Variants in SNTB2 observed in about 807,000 individuals in gnomAD.
SNTB2 encodes the protein beta-2-syntrophin.
SNTB2 carries 34 observed loss-of-function variants against 46.2 expected under a neutral mutation model. That is an observed-to-expected ratio of 0.74 (90% CI 0.56 to 0.98). The LOEUF is 0.98. Ranked by LOEUF, SNTB2 falls within the 50% of genes least tolerant of loss-of-function variation. The pLI, the probability that SNTB2 is intolerant of heterozygous loss-of-function variation, is 0.00. For missense variants in SNTB2, 603 were observed against 731.4 expected (o/e 0.82, Z 2.02); for synonymous variants, 290 against 312.6 (o/e 0.93, Z 0.76).
In SNTB2 at chr16:69,308,499, A is replaced by G. The variant is rs776519468; in HGVS notation, c.*7575A>G. The G allele has an allele frequency of 1.3e-5, 2 of 152,232 alleles. No individual in the cohort carries two copies. Among genetic ancestry groups the G allele is most frequent in the East Asian group, 1.9e-4 (1 of 5,198 alleles). The allele number at this position is 152,232 out of a possible 1,614,324, so 9.4% of individuals were successfully genotyped here. A position where few individuals can be genotyped will look rare whatever the true frequency, so the allele number is the denominator to read the frequency against. On this transcript the variant is annotated 3_prime_UTR_variant, in exon 7 of 7. Coordinates refer to ENST00000336278, the MANE Select transcript of SNTB2 (RefSeq NM_006750.4). ...CAATCCATTGGATGAGTGCAGCATT[A>G]TAAGACCTTGGTGCCCAGAAAAATC...
At chr16:69,277,521 T>C (rs1964994759) in intron 4 of SNTB2, among the ~76,000 whole-genome samples, 1 of 152,244 alleles carries the variant, frequency 6.6e-6, no homozygotes, top group African/African-American at 2.4e-5. Flanking sequence ...AAACTATTGA[T>C]AAGGTTTCAT....
At position 69,251,670 on chromosome 16, in the gene SNTB2, C is replaced by T. The variant is rs376694485; in HGVS notation, c.794+5855C>T. 1.1e-4 allele frequency among the ~76,000 whole-genome samples: 16 copies of T among 151,698 alleles called. No individual in the cohort carries two copies. In the East Asian group the frequency reaches 3.1e-3, roughly 30 times the overall value. ...GCTCATGCCTGTAATCCCAGCTACT[C>T]GGGAGGCTGAGGGAGGAGAATCGCA... On this transcript the variant is annotated intron_variant, in intron 2 of 6. Coordinates refer to ENST00000336278, the MANE Select transcript of SNTB2 (RefSeq NM_006750.4).
chr16:69,210,441 T>C (rs1181869497), intron 1 of SNTB2, among the ~76,000 whole-genome samples: 1 of 152,052 alleles, frequency 6.6e-6, no homozygotes, highest in Non-Finnish European at 1.5e-5. Context: ...TTTCACCATG[T>C]TGCCCAGGCT....
intron 1 of SNTB2, among the ~76,000 whole-genome samples, chr16:69,199,742 T>C (rs1442011687): frequency 6.6e-6 from 1 of 152,086 alleles, no homozygotes; most frequent in African/African-American, 2.4e-5. Flanking sequence ...CTTTAGTGAA[T>C]GGGCAAGACT....
chr16:69,220,153 GA>G (rs1407020842), intron 1 of SNTB2, among the ~76,000 whole-genome samples: 3 of 125,562 alleles, frequency 2.4e-5, no homozygotes, highest in Non-Finnish European at 3.4e-5. Flanking sequence ...AAGAAAGTCA[GA>G]TTTTTTTTTT....
chr16:69,259,700 G>A (rs1964816662), intron 2 of SNTB2, among the ~76,000 whole-genome samples: 1 of 150,566 alleles, frequency 6.6e-6, no homozygotes, highest in Non-Finnish European at 1.5e-5. Context: ...GCCTCCTGGG[G>A]TCAAGCGATT....
At chr16:69,276,664 C>G (rs1170352677) in intron 4 of SNTB2, among the ~76,000 whole-genome samples, 1 of 152,118 alleles carries the variant, frequency 6.6e-6, no homozygotes, top group Admixed American at 6.6e-5. Flanking sequence ...CTTCATGGAC[C>G]TCTGCGGATC....
At chr16:69,268,593 G>A (rs1312316995) in intron 3 of SNTB2, among the ~76,000 whole-genome samples, 1 of 152,118 alleles carries the variant, frequency 6.6e-6, no homozygotes, top group Admixed American at 6.6e-5. Context: ...GGCCAGGCGC[G>A]TTGGCTCACG....
chr16:69,301,227 C>CTT lies in SNTB2; in HGVS notation c.*311_*312dup. The CTT allele has an allele frequency of 4.4e-6, 1 of 225,486 alleles. No homozygotes were observed. Among genetic ancestry groups the CTT allele is most frequent in the Non-Finnish European group, 8.9e-6 (1 of 112,860 alleles). The allele number at this position is 225,486 out of a possible 1,614,324, so 14.0% of individuals were successfully genotyped here. On this transcript the variant is annotated 3_prime_UTR_variant, in exon 7 of 7. Coordinates refer to ENST00000336278, the MANE Select transcript of SNTB2 (RefSeq NM_006750.4). ...GCTAAAAAGAATGGCTCATTGTTTT[C>CTT]TTTTTTTTTCATTGTTTTCATTTTT... is the stretch of plus-strand genomic sequence containing the variant.
intron 1 of SNTB2, among the ~76,000 whole-genome samples, chr16:69,232,780 G>T (rs547960464): frequency 6.6e-6 from 1 of 152,180 alleles, no homozygotes; most frequent in African/African-American, 2.4e-5. Context: ...AAAGTACTGG[G>T]ATTACAGGTG....
chr16:69,215,177 G>A (rs893264927), intron 1 of SNTB2, among the ~76,000 whole-genome samples: 2 of 152,132 alleles, frequency 1.3e-5, no homozygotes, highest in Non-Finnish European at 2.9e-5. Flanking sequence ...TTTAAGTAAG[G>A]GTTACTTACC....
intron 2 of SNTB2, among the ~76,000 whole-genome samples, chr16:69,247,997 C>T (rs766553271): frequency 6.6e-6 from 1 of 152,132 alleles, no homozygotes; most frequent in African/African-American, 2.4e-5. Context: ...CTGGCATGCA[C>T]CTGTAGTCCT....
At chr16:69,208,990 G>GTGTGTGTGTGTGTGTGTGTGTT (rs1488187077) in intron 1 of SNTB2, among the ~76,000 whole-genome samples, 3 of 151,982 alleles carry the variant, frequency 2.0e-5, no homozygotes, top group African/African-American at 7.3e-5. Context: ...GTGTGTGTGT[G>GTGTGTGTGTGTGTGTGTGTGTT]TTTTTGAGAT....
At chr16:69,285,731 T>C (rs1056389266) in intron 5 of SNTB2, among the ~76,000 whole-genome samples, 1 of 151,852 alleles carries the variant, frequency 6.6e-6, no homozygotes, top group Admixed American at 6.6e-5. Context: ...CCTCAAGAGA[T>C]CCTCCTGCCT....
chr16:69,270,170 T>C lies in SNTB2; in HGVS notation c.1033T>C (p.Trp345Arg). The C allele has an allele frequency of 1.9e-6, 3 of 1,614,066 alleles. No homozygotes were observed. The highest frequency in any genetic ancestry group is 2.5e-6 in the Non-Finnish European group (3 of 1,180,004). ...AAAACTAGATGGTGGAAGACAGCAATGGAGACCTGTCCTCATGGCTGTGAC... is the reference window on the plus strand; with the variant it reads ...AAAACTAGATGGTGGAAGACAGCAACGGAGACCTGTCCTCATGGCTGTGAC... ...QAKLDGGRQQ[W>R]RPVLMAVTEK... Residue 345 changes from tryptophan (W) to arginine (R), a missense_variant, in exon 4 of 7, where the codon TGG becomes CGG. Trp to Arg is a moderately radical substitution (Grantham distance 101, BLOSUM62 -3). Coordinates refer to ENST00000336278, the MANE Select transcript of SNTB2 (RefSeq NM_006750.4).
chr16:69,299,852 A>C, intron 6 of SNTB2, 78 bp downstream of exon 6: 1 of 1,421,838 alleles, frequency 7.0e-7, no homozygotes, highest in Non-Finnish European at 9.6e-7. Context: ...CCTTATATAC[A>C]AAGTCATGGA....
intron 1 of SNTB2, among the ~76,000 whole-genome samples, chr16:69,221,568 G>A (rs1214431730): frequency 1.3e-5 from 2 of 152,116 alleles, no homozygotes; most frequent in African/African-American, 2.4e-5. Flanking sequence ...TTGAAGTCAG[G>A]AGTTTGAGAC....
At chr16:69,247,869 C>T (rs1258455079) in intron 2 of SNTB2, among the ~76,000 whole-genome samples, 2 of 152,172 alleles carry the variant, frequency 1.3e-5, no homozygotes, top group East Asian at 3.8e-4. Flanking sequence ...GTAATCCTAG[C>T]ACTTTGGGAG....
chr16:69,237,381 A>G (rs1271003480), intron 1 of SNTB2, among the ~76,000 whole-genome samples: 1 of 152,190 alleles, frequency 6.6e-6, no homozygotes, highest in Non-Finnish European at 1.5e-5. Context: ...GAAAACATTG[A>G]TAACCCTTTA....
Sources: allele counts gnomAD v4.1 joint callset (sites outside exome capture counted in the v4.1 genomes callset), GRCh38; gene constraint gnomAD v4.1.1; transcripts MANE v1.5; gene names NCBI Gene and HGNC (gene_info 2026-07-23, HGNC 2026-07-21).